PPARGC1A: variants seen among roughly 807,000 people sequenced by gnomAD.
PPARGC1A encodes peroxisome proliferator-activated receptor gamma coactivator 1-alpha.
PPARGC1A carries 25 observed loss-of-function variants against 88.7 expected under a neutral mutation model. The ratio of observed to expected loss-of-function variants is 0.28; its 90% CI spans 0.21 to 0.39. The LOEUF is 0.39. Ranked by LOEUF, PPARGC1A falls within the 10% of genes least tolerant of loss-of-function variation. PPARGC1A has a pLI of 1.00. For missense variants in PPARGC1A, 880 were observed against 968.7 expected (o/e 0.91, Z 1.22); for synonymous variants, 363 against 355.6 (o/e 1.02, Z -0.24).
At chr4:23,961,267 C>G in the PPARGC1A span, among the ~76,000 whole-genome samples, 2 of 151,862 alleles carry the variant, frequency 1.3e-5, no homozygotes, top group Non-Finnish European at 2.9e-5. Flanking sequence ...TCACTGCACT[C>G]GAAAGAAGAA....
At chr4:24,206,514 G>A in the PPARGC1A span, among the ~76,000 whole-genome samples, 1 of 152,048 alleles carries the variant, frequency 6.6e-6, no homozygotes, top group African/African-American at 2.4e-5. Flanking sequence ...TATAAAAAAA[G>A]CCAAAGACCA....
chr4:23,952,736 C>T, the PPARGC1A span, among the ~76,000 whole-genome samples: 17 of 152,066 alleles, frequency 1.1e-4, no homozygotes, highest in African/African-American at 3.9e-4. Context: ...ATGTAAGGAA[C>T]CCTGAAACTT....
At chr4:24,321,338 C>A in the PPARGC1A span, among the ~76,000 whole-genome samples, 1 of 152,116 alleles carries the variant, frequency 6.6e-6, no homozygotes, top group Non-Finnish European at 1.5e-5. Flanking sequence ...CAAAGGCCTG[C>A]GAACTTGTGT....
the PPARGC1A span, among the ~76,000 whole-genome samples, chr4:24,173,483 G>A: frequency 6.6e-6 from 1 of 152,110 alleles, no homozygotes; most frequent in Non-Finnish European, 1.5e-5. Flanking sequence ...AATCACTGGA[G>A]CCCAAAAGTT....
the PPARGC1A span, among the ~76,000 whole-genome samples, chr4:24,308,832 C>A: frequency 6.6e-6 from 1 of 151,992 alleles, no homozygotes; most frequent in Admixed American, 6.6e-5. Context: ...AACTGGGTCC[C>A]AAAAAGATGA....
the PPARGC1A span, among the ~76,000 whole-genome samples, chr4:24,179,992 G>T: frequency 6.6e-6 from 1 of 152,118 alleles, no homozygotes; most frequent in Non-Finnish European, 1.5e-5. Flanking sequence ...CTACCAAGGA[G>T]TGTTGTCTCT....
the PPARGC1A span, among the ~76,000 whole-genome samples, chr4:24,392,169 G>T: frequency 6.6e-6 from 1 of 152,252 alleles, no homozygotes; most frequent in African/African-American, 2.4e-5. Context: ...GGGAAGGACA[G>T]TTACATGTGT....
chr4:23,995,469 T>A, the PPARGC1A span, among the ~76,000 whole-genome samples: 1 of 152,324 alleles, frequency 6.6e-6, no homozygotes, highest in Admixed American at 6.5e-5. Flanking sequence ...TCAGTGGTCC[T>A]CAGTAGCATG....
At chr4:24,355,313 C>A in the PPARGC1A span, among the ~76,000 whole-genome samples, 3 of 152,040 alleles carry the variant, frequency 2.0e-5, no homozygotes, top group Non-Finnish European at 4.4e-5. Flanking sequence ...GGCAGCAGTG[C>A]CAGGAAACAA....
At chr4:23,822,366 G>T (rs1257973318) in intron 7 of PPARGC1A, among the ~76,000 whole-genome samples, 1 of 151,972 alleles carries the variant, frequency 6.6e-6, no homozygotes, top group Non-Finnish European at 1.5e-5. Context: ...AGTCAGGTTA[G>T]CCTATGGAGA....
chr4:24,212,996 A>G, the PPARGC1A span, among the ~76,000 whole-genome samples: 1 of 152,110 alleles, frequency 6.6e-6, no homozygotes, highest in Non-Finnish European at 1.5e-5. Flanking sequence ...CTTTGACAGG[A>G]CAAAATCAGC....
chr4:24,296,012 A>ATATATGTGTG, the PPARGC1A span, among the ~76,000 whole-genome samples: 20 of 86,668 alleles, frequency 2.3e-4, no homozygotes, highest in African/African-American at 6.7e-4. Context: ...GTATGTGTGT[A>ATATATGTGTG]TATATATGTA....
the PPARGC1A span, among the ~76,000 whole-genome samples, chr4:24,241,193 G>T: frequency 6.6e-6 from 1 of 151,958 alleles, no homozygotes; most frequent in Non-Finnish European, 1.5e-5. Context: ...CAAATTCCTT[G>T]TGGATCACTC....
At chr4:24,140,613 T>A in the PPARGC1A span, among the ~76,000 whole-genome samples, 23 of 152,174 alleles carry the variant, frequency 1.5e-4, no homozygotes, top group African/African-American at 4.8e-5. Flanking sequence ...GAAAGCTGAA[T>A]TATATGACAG....
the PPARGC1A span, among the ~76,000 whole-genome samples, chr4:24,346,707 T>C: frequency 2.0e-5 from 3 of 152,186 alleles, no homozygotes; most frequent in Non-Finnish European, 4.4e-5. Flanking sequence ...CAATTTTATC[T>C]TTTCAAAGAA....
intron 2 of PPARGC1A, among the ~76,000 whole-genome samples, chr4:23,832,809 A>G (rs1725282496): frequency 6.6e-6 from 1 of 151,606 alleles, no homozygotes; most frequent in Admixed American, 6.6e-5. Flanking sequence ...ATGGGGTTTC[A>G]CCATGTTAGC....
chr4:24,228,107 C>T, the PPARGC1A span, among the ~76,000 whole-genome samples: 1 of 152,106 alleles, frequency 6.6e-6, no homozygotes, highest in Non-Finnish European at 1.5e-5. Flanking sequence ...TCAGCAAGCA[C>T]CAGTGGGATG....
At chr4:24,255,713 G>A in the PPARGC1A span, among the ~76,000 whole-genome samples, 2 of 152,168 alleles carry the variant, frequency 1.3e-5, no homozygotes, top group South Asian at 2.1e-4. Context: ...TGGAAACCTC[G>A]CTTCTTCTCC....
the PPARGC1A span, among the ~76,000 whole-genome samples, chr4:24,394,665 C>T: frequency 6.6e-6 from 1 of 152,188 alleles, no homozygotes; most frequent in Admixed American, 6.5e-5. Context: ...GTTTTCCATA[C>T]TGCTCCGTCC....
Sources: allele counts gnomAD v4.1 joint callset (sites outside exome capture counted in the v4.1 genomes callset), GRCh38; gene constraint gnomAD v4.1.1; transcripts MANE v1.5; gene names NCBI Gene and HGNC (gene_info 2026-07-23, HGNC 2026-07-21).